COL3A1: variants seen among roughly 807,000 people sequenced by gnomAD.
The protein encoded by COL3A1 is collagen type III alpha 1 chain.
COL3A1 carries 46 observed loss-of-function variants against 200.9 expected under a neutral mutation model. The observed-to-expected ratio is 0.23, with a 90% CI of 0.18 to 0.29. COL3A1 has a LOEUF of 0.29. Ranked by LOEUF, COL3A1 falls within the 10% of genes least tolerant of loss-of-function variation. COL3A1 has a pLI of 1.00. For missense variants in COL3A1, 1,367 were observed against 1,917.6 expected (o/e 0.71, Z 5.36); for synonymous variants, 650 against 628.0 (o/e 1.03, Z -0.52).
intron 31 of COL3A1, 111 bp from the exon 32 acceptor site, chr2:188,999,731 G>C (rs1418243719): frequency 1.5e-6 from 2 of 1,365,954 alleles, no homozygotes; most frequent in East Asian, 4.9e-5. Context: ...AAGCAACAAT[G>C]AATTAGAACA....
rs764678861 is a variant in COL3A1 at position 188,985,262 on chromosome 2, T to C, written c.333+15T>C. 66 of 1,596,004 alleles carry C rather than the reference T, an allele frequency of 4.1e-5. No individual in the cohort carries two copies. Among genetic ancestry groups the C allele is most frequent in the Non-Finnish European group, 5.5e-5 (64 of 1,164,056 alleles). ...AGGGAGATCCAGTAAGTAAACATTC[T>C]TCAGTAGAATAAAATTAATACTAAT... On this transcript the variant is annotated intron_variant, in intron 3 of 50. Coordinates refer to ENST00000304636, the MANE Select transcript of COL3A1 (RefSeq NM_000090.4).
intron 44 of COL3A1, among the ~76,000 whole-genome samples, 178 bp downstream of exon 44, chr2:189,007,168 TAG>T (rs1559062164): frequency 3.1e-5 from 1 of 32,360 alleles, no homozygotes; most frequent in South Asian, 1.4e-3. Flanking sequence ...AGATGATAGA[TAG>T]ATAGATAGAT....
At chr2:189,004,653 A>C (rs1688549263) in intron 40 of COL3A1, among the ~76,000 whole-genome samples, 1 of 152,168 alleles carries the variant, frequency 6.6e-6, no homozygotes, top group Non-Finnish European at 1.5e-5. Context: ...ATATTCTTCA[A>C]TTTGTTGACT....
Position 188,984,963 on chromosome 2 carries a change from G to A in COL3A1, c.282+1G>A. 1 of 1,612,352 alleles carries A rather than the reference G, an allele frequency of 6.2e-7. No homozygotes were observed. The highest frequency in any genetic ancestry group is 8.5e-7 in the Non-Finnish European group (1 of 1,178,954). ...AGTTTGCCCACAGCCTCCAACTGCTGTGAGTTTAAAGATAAACTGTACATC... is the reference window on the plus strand; with the variant it reads ...AGTTTGCCCACAGCCTCCAACTGCTATGAGTTTAAAGATAAACTGTACATC... On this transcript the variant is annotated splice_donor_variant, in intron 2 of 50. Coordinates refer to ENST00000304636, the MANE Select transcript of COL3A1 (RefSeq NM_000090.4). LOFTEE classifies it high-confidence loss of function.
In COL3A1 at chr2:188,988,128, T is replaced by C; in HGVS notation, c.576T>C (p.Gly192=). The C allele has an allele frequency of 6.2e-7, 1 of 1,612,480 alleles. No homozygotes were observed. The highest frequency in any genetic ancestry group is 8.5e-7 in the Non-Finnish European group (1 of 1,178,670). ...CCCCTGGTACATCTGGTCATCCTGG[T>C]TCCCCTGTAAGTATAGCCATTGGTG... is the stretch of plus-strand genomic sequence containing the variant. ...PGPPGTSGHP[G]SPGSPGYQGP... Residue 192 remains glycine (G), a synonymous_variant, in exon 6 of 51, where the codon GGT becomes GGC. Transcript: ENST00000304636.
chr2:189,006,383 C>A lies in COL3A1; in HGVS notation c.3132C>A (p.Gly1044=), dbSNP rs369992399. 1 of 1,614,114 alleles carries A rather than the reference C, an allele frequency of 6.2e-7. No individual in the cohort carries two copies. Among genetic ancestry groups the A allele is most frequent in the Non-Finnish European group, 8.5e-7 (1 of 1,180,026 alleles). ...AAAATGGCTCTCCTGGTGCCCCTGG[C>A]GCTCCTGGTCATCCAGGCCCACCTG... ...RGENGSPGAP[G]APGHPGPPGP... is the part of the protein sequence containing the mutation. Residue 1044 remains glycine (G), a synonymous_variant, in exon 43 of 51, where the codon GGC becomes GGA. Transcript: ENST00000304636.
rs1330671613 is a variant in COL3A1, at chr2:188,999,903, T to C, written c.2283+8T>C. 1.9e-6 allele frequency: 3 copies of C among 1,585,064 alleles called. No individual in the cohort carries two copies. The highest frequency in any genetic ancestry group is 1.9e-5 in the Admixed American group (1 of 53,610). ...GGGAAAGATGGCCCAAGGGTGAGTA[T>C]TCCCAGTGAGGAGAAGCAGGCCTTA... On this transcript the variant is annotated splice_region_variant and intron_variant, in intron 32 of 50. Coordinates refer to ENST00000304636, the MANE Select transcript of COL3A1 (RefSeq NM_000090.4).
chr2:188,997,042 GACATATATATATGAGACATATATATATGA>G (rs1688341589), intron 24 of COL3A1, 94 bp from the exon 25 acceptor site: 6 of 257,036 alleles, frequency 2.3e-5, no homozygotes, highest in African/African-American at 4.1e-5. Context: ...ATATATATGA[GACATATATATATGAGACATATATATATGA>G]GACATATATA....
intron 1 of COL3A1, among the ~76,000 whole-genome samples, chr2:188,983,331 A>G (rs2153501184): frequency 6.6e-6 from 1 of 152,120 alleles, no homozygotes; most frequent in Admixed American, 6.6e-5. Flanking sequence ...TCTTGAGTAG[A>G]TCAAGTGTCT....
rs1688101794 is a variant in COL3A1 at position 188,988,134 on chromosome 2, T to TGTAA, written c.582+4_582+7dup. On this transcript the variant is annotated frameshift_variant and splice_region_variant. Transcript: ENST00000304636. LOFTEE classifies it high-confidence loss of function. ...GTACATCTGGTCATCCTGGTTCCCCTGTAAGTATAGCCATTGGTGGTGTTT... is the reference window on the plus strand; with the variant it reads ...GTACATCTGGTCATCCTGGTTCCCCTGTAAGTAAGTATAGCCATTGGTGGTGTTT... The TGTAA allele has an allele frequency of 5.6e-6, 9 of 1,611,612 alleles. No individual in the cohort carries two copies. Among genetic ancestry groups the TGTAA allele is most frequent in the Admixed American group, 1.7e-5 (1 of 59,906 alleles).
rs1688187768 is a variant in COL3A1, at chr2:188,991,502, C to T, written c.868C>T (p.Pro290Ser). The T allele has an allele frequency of 6.2e-7, 1 of 1,610,352 alleles. No individual in the cohort carries two copies. Among genetic ancestry groups the T allele is most frequent in the African/African-American group, 1.3e-5 (1 of 74,754 alleles). Residue 290 changes from proline to serine, a missense_variant, in exon 12 of 51, where the codon CCA (proline) becomes TCA (serine). Physicochemically the swap from Pro to Ser is moderately conservative, Grantham distance 74 (BLOSUM62 -1). Transcript: ENST00000304636. ...APGLKGENGL[P>S]GENGAPGPMG... ...ATGTATCTAGGGTGAAAATGGTCTT[C>T]CAGGCGAAAATGGAGCTCCTGGACC... is the stretch of plus-strand genomic sequence containing the variant.
rs1334678815 is a variant in COL3A1, at chr2:188,996,176, C to T, written c.1660C>T (p.Pro554Ser). 1.9e-6 allele frequency: 3 copies of T among 1,613,230 alleles called. No individual in the cohort carries two copies. The Admixed American group carries it at 5.0e-5, about 27-fold the overall frequency. Residue 554 changes from proline to serine, a missense_variant and splice_region_variant, in exon 23 of 51, where the codon CCC becomes TCC. Pro to Ser is a moderately conservative substitution (Grantham distance 74, BLOSUM62 -1). Transcript: ENST00000304636. ...GPGSDGKPGP[P>S]GSQGESGRPG... is the part of the protein sequence containing the mutation. ...AGGAAGTGATGGGAAACCAGGGCCT[C>T]CCGTATGTACATTTTTAAAATCTCA...
intron 44 of COL3A1, 109 bp downstream of exon 44, chr2:189,007,099 ATATATATATATAT>A (rs1688604834): frequency 1.1e-4 from 4 of 37,234 alleles, no homozygotes; most frequent in African/African-American, 7.8e-4. Context: ...AAGAATGAAT[ATATATATATATAT>A]ATATATATAT....
chr2:189,007,388 G>A (rs1688617577), intron 44 of COL3A1, 112 bp from the exon 45 acceptor site: 4 of 849,270 alleles, frequency 4.7e-6, no homozygotes, highest in Non-Finnish European at 7.3e-6. Context: ...GTTGATGGGG[G>A]ATTTTTTAGC....
chr2:188,993,952 T>C, intron 16 of COL3A1, 86 bp from the exon 17 acceptor site: 1 of 1,259,866 alleles, frequency 7.9e-7, no homozygotes. Context: ...CACTCATCGA[T>C]ACATTTATTT....
At chr2:189,009,598 C>T (rs1688675112) in intron 48 of COL3A1, among the ~76,000 whole-genome samples, 1 of 151,704 alleles carries the variant, frequency 6.6e-6, no homozygotes, top group Admixed American at 6.6e-5. Context: ...TTAAAATTTT[C>T]AAATTAAACA....
rs1553510018 is a variant in COL3A1, at chr2:189,011,767, T to G, written c.4394T>G (p.Phe1465Cys). 6.2e-7 allele frequency: 1 copy of G among 1,613,950 alleles called. No homozygotes were observed. Among genetic ancestry groups the G allele is most frequent in the Non-Finnish European group, 8.5e-7 (1 of 1,179,842 alleles). ...GGTGTGGACGTTGGCCCTGTTTGCTTTTTATAAACCAAACTCTATCTGAAA... is the reference window on the plus strand; with the variant it reads ...GGTGTGGACGTTGGCCCTGTTTGCTGTTTATAAACCAAACTCTATCTGAAA... ...EFGVDVGPVC[F>C]L Residue 1465 changes from phenylalanine (F) to cysteine (C), a missense_variant, in exon 51 of 51, where the codon TTT becomes TGT. Physicochemically the swap from Phe to Cys is radical, Grantham distance 205. Coordinates refer to ENST00000304636, the MANE Select transcript of COL3A1 (RefSeq NM_000090.4).
intron 10 of COL3A1, 61 bp from the exon 11 acceptor site, chr2:188,990,943 A>G: frequency 6.5e-7 from 1 of 1,526,964 alleles, no homozygotes; most frequent in Non-Finnish European, 9.1e-7. Flanking sequence ...TGTAAACTTT[A>G]TCAATCATTC....
In COL3A1 at chr2:189,011,164, A is replaced by G. The variant is rs1309588905; in HGVS notation, c.4254+274A>G. Among the ~76,000 whole-genome samples, 9 of 152,328 alleles carry G rather than the reference A, an allele frequency of 5.9e-5. No homozygotes were observed. In the East Asian group the frequency reaches 1.7e-3, roughly 29 times the overall value. Reference sequence around the variant, plus strand: ...ATCAGATAATTGGGATAGTTACTATATGTTTTGAATAATACCTGTCACATT... The same window carrying G: ...ATCAGATAATTGGGATAGTTACTATGTGTTTTGAATAATACCTGTCACATT... On this transcript the variant is annotated intron_variant, in intron 50 of 50. Coordinates refer to ENST00000304636, the MANE Select transcript of COL3A1 (RefSeq NM_000090.4).
Sources: allele counts gnomAD v4.1 joint callset (sites outside exome capture counted in the v4.1 genomes callset), GRCh38; gene constraint gnomAD v4.1.1; transcripts MANE v1.5; gene names NCBI Gene and HGNC (gene_info 2026-07-23, HGNC 2026-07-21).